Variants in ACSL3 observed in about 807,000 individuals in gnomAD.
The protein encoded by ACSL3 is fatty acid CoA ligase Acsl3.
In ACSL3, 34 loss-of-function variants were observed where a neutral mutation model predicts 84.7. That is an observed-to-expected ratio of 0.40 (90% CI 0.31 to 0.53). The LOEUF is 0.53. Ranked by LOEUF, ACSL3 falls within the 20% of genes least tolerant of loss-of-function variation. The pLI, the probability that ACSL3 is intolerant of heterozygous loss-of-function variation, is 0.48. For missense variants in ACSL3, 680 were observed against 873.1 expected (o/e 0.78, Z 2.79); for synonymous variants, 315 against 299.4 (o/e 1.05, Z -0.54).
Position 222,892,663 on chromosome 2 carries a change from T to C in ACSL3, c.-148+4775T>C, listed in dbSNP as rs889052005. Among the ~76,000 whole-genome samples the C allele has an allele frequency of 6.0e-5, 9 of 150,066 alleles. No homozygotes were observed. In the East Asian group the frequency reaches 9.6e-4, roughly 16 times the overall value. The stretch of plus-strand genomic sequence containing the variant: ...TCAAAAGTAGTGTATTAAAGGATAC[T>C]TTTTTCTCCCCAACAATAAGGTATT... On this transcript the variant is annotated intron_variant, in intron 2 of 16. Transcript: ENST00000357430.
chr2:222,932,214 G>C (rs1300136898), intron 14 of ACSL3, among the ~76,000 whole-genome samples: 1 of 152,204 alleles, frequency 6.6e-6, no homozygotes, highest in East Asian at 1.9e-4. Flanking sequence ...CTTGCAGATG[G>C]CATTGAATAT....
At chr2:222,880,433 A>C (rs528316953) in intron 1 of ACSL3, among the ~76,000 whole-genome samples, 297 of 152,296 alleles carry the variant, frequency 2.0e-3, no homozygotes, top group African/African-American at 6.7e-3. Context: ...CCATATGTAA[A>C]TATGAATGTT....
chr2:222,918,027 C>T lies in ACSL3; in HGVS notation c.557-19C>T. On this transcript the variant is annotated intron_variant, in intron 5 of 16. Transcript: ENST00000357430. ...GTTAAATGTTTGAATATTTGACTGG[C>T]TGCTGCTTTTCCTTTTAGTTGTTAC... 6.5e-7 allele frequency: 1 copy of T among 1,536,410 alleles called. No individual in the cohort carries two copies. The highest frequency in any genetic ancestry group is 9.0e-7 in the Non-Finnish European group (1 of 1,114,790).
At position 222,934,513 on chromosome 2, in the gene ACSL3, TC is replaced by T; in HGVS notation, c.1848-15del. 6.6e-7 allele frequency: 1 copy of T among 1,524,176 alleles called. No homozygotes were observed. Among genetic ancestry groups the T allele is most frequent in the Non-Finnish European group, 8.8e-7 (1 of 1,132,854 alleles). The allele number at this position is 1,524,176 out of a possible 1,614,324, so 94.4% of individuals were successfully genotyped here. A position where few individuals can be genotyped will look rare whatever the true frequency, so the allele number is the denominator to read the frequency against. ...TCACCATTTTGTTCCTTATCTGTTA[TC>T]CTTTCTATATTTCAGTTATCATTCT... On this transcript the variant is annotated splice_polypyrimidine_tract_variant and intron_variant, in intron 15 of 16. Transcript: ENST00000357430.
chr2:222,900,676 A>G lies in ACSL3; in HGVS notation c.-145A>G, dbSNP rs1696119865. 6.6e-6 allele frequency: 1 copy of G among 152,148 alleles called. No homozygotes were observed. Among genetic ancestry groups the G allele is most frequent in the Non-Finnish European group, 1.5e-5 (1 of 68,026 alleles). 9.4% of individuals were successfully genotyped at this position (152,148 alleles called of 1,614,324 possible). On this transcript the variant is annotated splice_region_variant and 5_prime_UTR_variant, in exon 3 of 17. In the 5' UTR this introduces an upstream ATG that the reference lacks. Transcript: ENST00000357430. The stretch of plus-strand genomic sequence containing the variant: ...ACTTAATTCTATATTGTATTCAGAT[A>G]CAGAATTCGTTGTTGGGAAGGACTG...
rs1207888395 is a variant in ACSL3, at chr2:222,861,269, CGCCGGTTGTGGGAGCGGCGGGA to C, written c.-207+20_-207+41del. The C allele has an allele frequency of 1.3e-5, 2 of 152,192 alleles. No individual in the cohort carries two copies. Among genetic ancestry groups the C allele is most frequent in the Non-Finnish European group, 2.9e-5 (2 of 68,170 alleles). The allele number at this position is 152,192 out of a possible 1,614,324, so 9.4% of individuals were successfully genotyped here. On this transcript the variant is annotated intron_variant, in intron 1 of 16. Transcript: ENST00000357430. ...GACTCCGGCGTAGCGGTGAGTGCGGCGCCGGTTGTGGGAGCGGCGGGAGCCGGTTGGCGGCGCGGCCTCCGCG... is the reference window on the plus strand; with the variant it reads ...GACTCCGGCGTAGCGGTGAGTGCGGCGCCGGTTGGCGGCGCGGCCTCCGCG...
intron 1 of ACSL3, chr2:222,861,528 G>A (rs1695007252): frequency 6.6e-6 from 1 of 152,196 alleles, no homozygotes; most frequent in Non-Finnish European, 1.5e-5. Context: ...CAGCGCGAAC[G>A]GCGTGGGGCG....
intron 2 of ACSL3, among the ~76,000 whole-genome samples, chr2:222,899,551 G>A (rs1696082341): frequency 6.6e-6 from 1 of 152,140 alleles, no homozygotes; most frequent in South Asian, 2.1e-4. Flanking sequence ...AACCTGAAGG[G>A]AAGGTTCTCG....
At chr2:222,906,161 C>T (rs959345610) in intron 3 of ACSL3, among the ~76,000 whole-genome samples, 3 of 152,282 alleles carry the variant, frequency 2.0e-5, no homozygotes, top group Admixed American at 2.0e-4. Flanking sequence ...TATTTGTTAA[C>T]TGACTTGGCT....
intron 10 of ACSL3, among the ~76,000 whole-genome samples, chr2:222,923,954 A>G (rs1273829808): frequency 6.6e-6 from 1 of 152,246 alleles, no homozygotes; most frequent in African/African-American, 2.4e-5. Flanking sequence ...CAGACAAGGA[A>G]AACTTCCTGG....
At chr2:222,930,944 C>G in intron 14 of ACSL3, 132 bp downstream of exon 14, 1 of 758,892 alleles carries the variant, frequency 1.3e-6, no homozygotes, top group Non-Finnish European at 2.0e-6. Context: ...TGCATCACTC[C>G]TGGAATATAA....
At chr2:222,862,323 A>G (rs1184819476) in intron 1 of ACSL3, among the ~76,000 whole-genome samples, 1 of 152,228 alleles carries the variant, frequency 6.6e-6, no homozygotes, top group African/African-American at 2.4e-5. Context: ...GCTGGGATTC[A>G]GACAGGCCTG....
At chr2:222,887,506 C>G (rs1412882522) in intron 1 of ACSL3, among the ~76,000 whole-genome samples, 2 of 152,150 alleles carry the variant, frequency 1.3e-5, no homozygotes, top group Non-Finnish European at 2.9e-5. Flanking sequence ...TGTCAAACTT[C>G]CGTAGTGGCT....
chr2:222,933,330 T>C, intron 15 of ACSL3, 50 bp downstream of exon 15: 3 of 1,365,860 alleles, frequency 2.2e-6, no homozygotes, highest in Non-Finnish European at 3.1e-6. Context: ...TTGATGTCCA[T>C]AGACATTTCC....
intron 2 of ACSL3, among the ~76,000 whole-genome samples, chr2:222,890,831 C>T (rs111377767): frequency 1.9e-4 from 29 of 152,106 alleles, no homozygotes; most frequent in African/African-American, 2.4e-4. Context: ...TTAATAGAGA[C>T]GGGGTTTCTC....
chr2:222,917,858 G>A lies in ACSL3; in HGVS notation c.557-188G>A, dbSNP rs561011538. Reference sequence around the variant, plus strand: ...AAAATTGGAAATCTTGGGGCATTTAGGGGAGGATGAGTAGGTGTAATGTTG... The same window carrying A: ...AAAATTGGAAATCTTGGGGCATTTAAGGGAGGATGAGTAGGTGTAATGTTG... On this transcript the variant is annotated intron_variant, in intron 5 of 16. Transcript: ENST00000357430. 2.3e-5 allele frequency: 9 copies of A among 383,572 alleles called. No homozygotes were observed. In the South Asian group the frequency reaches 1.1e-3, roughly 46 times the overall value. 23.8% of individuals were successfully genotyped at this position (383,572 alleles called of 1,614,324 possible).
chr2:222,880,583 C>A (rs758320071), intron 1 of ACSL3, among the ~76,000 whole-genome samples: 1 of 152,068 alleles, frequency 6.6e-6, no homozygotes, highest in East Asian at 1.9e-4. Context: ...AATCCCAGCA[C>A]TTTGGGAGGC....
chr2:222,861,953 A>C (rs554689849), intron 1 of ACSL3, among the ~76,000 whole-genome samples: 1 of 152,242 alleles, frequency 6.6e-6, no homozygotes, highest in South Asian at 2.1e-4. Context: ...CGTTTCACAG[A>C]TGAGGAGCCC....
chr2:222,914,153 T>C (rs1004288056), intron 4 of ACSL3, among the ~76,000 whole-genome samples: 1 of 152,016 alleles, frequency 6.6e-6, no homozygotes, highest in African/African-American at 2.4e-5. Context: ...AAACAAGTCC[T>C]AGTGCTTAAA....
Sources: gnomAD v4.1 joint callset for allele counts (sites outside exome capture counted in the v4.1 genomes callset) on GRCh38, gnomAD v4.1.1 for gene constraint, MANE v1.5 for transcripts, NCBI Gene and HGNC (gene_info 2026-07-23, HGNC 2026-07-21) for gene names.